COG5: variants seen among roughly 807,000 people sequenced by gnomAD.
The protein encoded by COG5 is component of oligomeric golgi complex 5, also known as conserved oligomeric Golgi complex subunit 5.
COG5 carries 86 observed loss-of-function variants against 110.4 expected under a neutral mutation model. The observed-to-expected ratio is 0.78, with a 90% CI of 0.65 to 0.93. The LOEUF is 0.93. Among genes scored for constraint, COG5 ranks in the 40% least tolerant of loss-of-function variants. COG5 has a pLI of 0.00. For synonymous variants in COG5, 360 were observed against 334.6 expected (o/e 1.08, Z -0.83); for missense variants, 1,077 against 987.0 (o/e 1.09, Z -1.22).
chr7:107,312,420 C>T (rs1808348629), intron 11 of COG5, among the ~76,000 whole-genome samples: 1 of 152,104 alleles, frequency 6.6e-6, no homozygotes, highest in Admixed American at 6.6e-5. Flanking sequence ...ATGCAGTGGG[C>T]TAAGTGCTGA....
chr7:107,358,695 C>T (rs1812841063), intron 10 of COG5, among the ~76,000 whole-genome samples: 1 of 152,186 alleles, frequency 6.6e-6, no homozygotes, highest in African/African-American at 2.4e-5. Context: ...TGCTTTTCTA[C>T]TGGGAGTCTA....
chr7:107,405,498 A>G (rs564719859), intron 7 of COG5, among the ~76,000 whole-genome samples: 9 of 152,330 alleles, frequency 5.9e-5, no homozygotes, highest in African/African-American at 2.2e-4. Context: ...TCAGCTCCAC[A>G]AAACCTGAAA....
chr7:107,444,061 C>T (rs1794869926), intron 6 of COG5, among the ~76,000 whole-genome samples: 1 of 152,192 alleles, frequency 6.6e-6, no homozygotes, highest in African/African-American at 2.4e-5. Flanking sequence ...TAGACTTACA[C>T]AGGAACAGTT....
intron 20 of COG5, 35 bp from the exon 21 acceptor site, chr7:107,210,640 A>G (rs941236493): frequency 6.4e-7 from 1 of 1,567,718 alleles, no homozygotes; most frequent in Non-Finnish European, 8.7e-7. Flanking sequence ...GAGAGTGCAT[A>G]CGCATTCTTT....
At chr7:107,294,915 GTGTGTGTGTATA>G (rs1806503152) in intron 12 of COG5, among the ~76,000 whole-genome samples, 1 of 87,032 alleles carries the variant, frequency 1.1e-5, no homozygotes, top group African/African-American at 3.9e-5. Flanking sequence ...GTGTGTGTGT[GTGTGTGTGTATA>G]TATACACACA....
rs765212427 is a variant in COG5, at chr7:107,201,730, TAGAA to T, written c.*1782_*1785del. ...GATATCCTGTGGTGCTAAAGTACAG[TAGAA>T]AGAGAGGAGAAGTGTATACATGTTT... On this transcript the variant is annotated 3_prime_UTR_variant, in exon 22 of 22. Coordinates refer to ENST00000297135, the MANE Select transcript of COG5 (RefSeq NM_006348.5). 482 of 316,536 alleles carry T rather than the reference TAGAA, an allele frequency of 1.5e-3. 1 individual carries two copies. Among genetic ancestry groups the T allele is most frequent in the Non-Finnish European group, 2.4e-3 (408 of 172,908 alleles). The allele number at this position is 316,536 out of a possible 1,614,324, so 19.6% of individuals were successfully genotyped here.
chr7:107,430,810 T>C (rs1413889297), intron 6 of COG5, among the ~76,000 whole-genome samples: 2 of 152,130 alleles, frequency 1.3e-5, no homozygotes, highest in Non-Finnish European at 2.9e-5. Context: ...AATGCAGATA[T>C]GCCATGGGTC....
chr7:107,299,826 CATATATATAT>C (rs71856513), intron 11 of COG5, among the ~76,000 whole-genome samples: 4,053 of 103,178 alleles, frequency 0.039, 207 homozygotes, highest in African/African-American at 0.11. Context: ...TCATAGTTGG[CATATATATAT>C]ATATATATAT....
chr7:107,301,852 T>C (rs1266457291), intron 11 of COG5, among the ~76,000 whole-genome samples: 5 of 151,868 alleles, frequency 3.3e-5, no homozygotes, highest in African/African-American at 9.7e-5. Context: ...CTGGGCAACA[T>C]AGTGAGACTC....
chr7:107,493,209 T>A (rs2299427), intron 6 of COG5, among the ~76,000 whole-genome samples: 3 of 152,156 alleles, frequency 2.0e-5, no homozygotes, highest in East Asian at 3.8e-4. Flanking sequence ...AAGGCCCACA[T>A]TGAATGGCAA....
chr7:107,544,268 G>C (rs1584951328), intron 5 of COG5, among the ~76,000 whole-genome samples: 1 of 152,120 alleles, frequency 6.6e-6, no homozygotes, highest in Non-Finnish European at 1.5e-5. Flanking sequence ...TCAGGCTCCA[G>C]GCCCATCCCC....
chr7:107,428,806 G>C (rs1049208137), intron 6 of COG5, among the ~76,000 whole-genome samples: 2 of 152,156 alleles, frequency 1.3e-5, no homozygotes, highest in African/African-American at 4.8e-5. Flanking sequence ...GCAGCTGCAG[G>C]ATGAGCTGTT....
chr7:107,513,385 A>G (rs1799684629), intron 6 of COG5, among the ~76,000 whole-genome samples: 1 of 152,142 alleles, frequency 6.6e-6, no homozygotes, highest in Admixed American at 6.5e-5. Flanking sequence ...GATCATTAAA[A>G]AGTCAGGAAA....
At chr7:107,375,488 G>GT (rs1228056963) in intron 7 of COG5, among the ~76,000 whole-genome samples, 3 of 152,166 alleles carry the variant, frequency 2.0e-5, no homozygotes, top group African/African-American at 7.2e-5. Context: ...TATGAAAACT[G>GT]TGGATGCCCC....
At chr7:107,407,699 T>C (rs560071155) in intron 7 of COG5, among the ~76,000 whole-genome samples, 3 of 151,798 alleles carry the variant, frequency 2.0e-5, no homozygotes, top group East Asian at 3.9e-4. Context: ...GAAAGGCTAT[T>C]TGGGGAAGTT....
rs548426541 is a variant in COG5, at chr7:107,415,743, CATGT to C, written c.539-3115_539-3112del. 1.6e-3 allele frequency among the ~76,000 whole-genome samples: 240 copies of C among 146,416 alleles called. 1 individual carries two copies. Among genetic ancestry groups the C allele is most frequent in the Non-Finnish European group, 2.7e-3 (181 of 66,556 alleles). On this transcript the variant is annotated intron_variant, in intron 6 of 21. Coordinates refer to ENST00000297135, the MANE Select transcript of COG5 (RefSeq NM_006348.5). ...GTATATATGTATATGTATATAAATA[CATGT>C]ATGTATATATGTATGTGTGTATATA...
chr7:107,549,482 C>T (rs1802723402), intron 3 of COG5, among the ~76,000 whole-genome samples: 1 of 152,094 alleles, frequency 6.6e-6, no homozygotes, highest in South Asian at 2.1e-4. Context: ...TGCTCCGCCT[C>T]CCGGGTTCAC....
At chr7:107,516,513 A>G (rs1799936720) in intron 6 of COG5, among the ~76,000 whole-genome samples, 2 of 152,200 alleles carry the variant, frequency 1.3e-5, no homozygotes, top group Admixed American at 1.3e-4. Flanking sequence ...GCTTTGGGTA[A>G]TATCTAAGAA....
intron 6 of COG5, among the ~76,000 whole-genome samples, chr7:107,422,253 A>G (rs1793347171): frequency 1.3e-5 from 2 of 152,174 alleles, no homozygotes; most frequent in African/African-American, 4.8e-5. Context: ...AATAATATTC[A>G]CTGTTTGCCT....
Sources: allele counts gnomAD v4.1 joint callset (sites outside exome capture counted in the v4.1 genomes callset), GRCh38; gene constraint gnomAD v4.1.1; transcripts MANE v1.5; gene names NCBI Gene and HGNC (gene_info 2026-07-23, HGNC 2026-07-21).